CR1: variants seen among roughly 807,000 people sequenced by gnomAD.
CR1 encodes the protein complement receptor type 1.
A neutral mutation model predicts 187.3 loss-of-function variants in CR1; 116 were observed. That is an observed-to-expected ratio of 0.62 (90% confidence interval 0.53 to 0.72). CR1 has a LOEUF of 0.72. Ranked by LOEUF, CR1 falls within the 30% of genes least tolerant of loss-of-function variation. The pLI is 0.00. For missense variants in CR1, 1,731 were observed against 2,110.7 expected (o/e 0.82, Z 3.52); for synonymous variants, 576 against 747.1 (o/e 0.77, Z 3.73).
chr1:207,568,090 C>A, intron 25 of CR1, 48 bp downstream of exon 25: 1 of 1,610,616 alleles, frequency 6.2e-7, no homozygotes, highest in Non-Finnish European at 8.5e-7. Context: ...AATATCTAAC[C>A]CAGCCCCTCC....
intron 31 of CR1, among the ~76,000 whole-genome samples, 187 bp downstream of exon 31, chr1:207,580,800 G>A (rs148854033): frequency 1.4e-3 from 209 of 152,128 alleles, no homozygotes; most frequent in African/African-American, 4.4e-3. Context: ...AAGAGATAAA[G>A]AAAAAATGGC....
chr1:207,616,317 T>C (rs1662093982), intron 40 of CR1, among the ~76,000 whole-genome samples: 2 of 152,202 alleles, frequency 1.3e-5, no homozygotes, highest in South Asian at 4.1e-4. Flanking sequence ...AAACAATTAC[T>C]TTCCAAATTC....
chr1:207,502,113 A>G (rs1456704345), intron 1 of CR1, among the ~76,000 whole-genome samples: 1 of 152,186 alleles, frequency 6.6e-6, no homozygotes, highest in Non-Finnish European at 1.5e-5. Flanking sequence ...ATATGCATTG[A>G]GTTCTTATAA....
chr1:207,501,439 G>A (rs1659265693), intron 1 of CR1, among the ~76,000 whole-genome samples: 1 of 152,110 alleles, frequency 6.6e-6, no homozygotes, highest in South Asian at 2.1e-4. Flanking sequence ...TAAAATTATG[G>A]TAGGTCTTCA....
intron 1 of CR1, among the ~76,000 whole-genome samples, chr1:207,498,878 A>AAAAAAAAAAAG (rs1659174709): frequency 4.2e-5 from 1 of 23,958 alleles, no homozygotes; most frequent in Non-Finnish European, 8.0e-5. Flanking sequence ...ACTCCAAATC[A>AAAAAAAAAAAG]AAAAAAAAAA....
rs181547258 is a variant in CR1, at chr1:207,524,305, G to A, written c.886+296G>A. On this transcript the variant is annotated intron_variant, in intron 5 of 46. Coordinates refer to ENST00000367049, the MANE Select transcript of CR1 (RefSeq NM_000651.6). ...TACAAAATGAGTGATTCCTCTGGCC[G>A]GGCACTATAATACAGGCTACATGTG... Among the ~76,000 whole-genome samples the A allele has an allele frequency of 1.9e-3, 293 of 151,980 alleles. 10 individuals are homozygous for A. Among genetic ancestry groups the A allele is most frequent in the African/African-American group, 6.3e-3 (259 of 41,310 alleles).
intron 39 of CR1, 37 bp from the exon 40 acceptor site, chr1:207,614,367 T>C: frequency 1.3e-6 from 2 of 1,512,266 alleles, no homozygotes; most frequent in Non-Finnish European, 1.8e-6. Context: ...GAGATGGGAA[T>C]TGCTCACACA....
At chr1:207,609,132 T>C (rs987832007) in intron 36 of CR1, among the ~76,000 whole-genome samples, 158 bp from the exon 37 acceptor site, 31 of 152,292 alleles carry the variant, frequency 2.0e-4, no homozygotes, top group African/African-American at 7.2e-4. Flanking sequence ...TTCAACTAGG[T>C]AAAAATGTCT....
At chr1:207,616,496 G>T in intron 40 of CR1, 79 bp from the exon 41 acceptor site, 1 of 1,452,740 alleles carries the variant, frequency 6.9e-7, no homozygotes, top group Non-Finnish European at 9.4e-7. Context: ...CTTTTTAAGC[G>T]CACAGTCACA....
intron 4 of CR1, among the ~76,000 whole-genome samples, chr1:207,512,876 C>A (rs1450934498): frequency 2.6e-5 from 4 of 152,120 alleles, no homozygotes; most frequent in African/African-American, 4.8e-5. Context: ...ACTTCTGTAA[C>A]CTCTCTGTAT....
At position 207,582,003 on chromosome 1, in the gene CR1, C is replaced by A. The variant is rs201880876; in HGVS notation, c.5302C>A (p.His1768Asn). The change falls in exon 32 of 47, where the codon CAT (histidine) becomes AAT (asparagine). Residue 1768 changes from histidine to asparagine, a missense_variant and splice_region_variant. By Grantham distance (68) the His-to-Asn change is moderately conservative (BLOSUM62 1). Transcript: ENST00000367049. The stretch of plus-strand genomic sequence containing the variant: ...GAATAACAGTGTTCCTGTGTGTGAA[C>A]GTGAGTAGATGGAATACTTGTTCAG... ...LWNNSVPVCE[H>N]IFCPNPPAIL... 6.2e-7 allele frequency: 1 copy of A among 1,603,878 alleles called. No individual in the cohort carries two copies. The highest frequency in any genetic ancestry group is 8.5e-7 in the Non-Finnish European group (1 of 1,171,558).
Position 207,505,919 on chromosome 1 carries a change from C to G in CR1, c.137C>G (p.Pro46Arg). 1 of 1,613,788 alleles carries G rather than the reference C, an allele frequency of 6.2e-7. No homozygotes were observed. The highest frequency in any genetic ancestry group is 2.2e-5 in the East Asian group (1 of 44,882). Residue 46 changes from proline (P) to arginine (R), a missense_variant, in exon 2 of 47, where the codon CCA becomes CGA. Physicochemically the swap from Pro to Arg is moderately radical, Grantham distance 103. This residue lies in a region of CR1 where 237 missense variants were observed against 240.4 expected (regional missense o/e 0.99). Coordinates refer to ENST00000367049, the MANE Select transcript of CR1 (RefSeq NM_000651.6). ...TGATCTCCAGGTCAATGCAATGCCCCAGAATGGCTTCCATTTGCCAGGCCT... is the reference window on the plus strand; with the variant it reads ...TGATCTCCAGGTCAATGCAATGCCCGAGAATGGCTTCCATTTGCCAGGCCT... ...LPVAWGQCNA[P>R]EWLPFARPTN... is the part of the protein sequence containing the mutation.
intron 35 of CR1, among the ~76,000 whole-genome samples, chr1:207,590,319 G>T (rs1661234338): frequency 6.6e-6 from 1 of 152,186 alleles, no homozygotes; most frequent in African/African-American, 2.4e-5. Context: ...CATTCTTAAA[G>T]AAAAGAATTT....
intron 27 of CR1, among the ~76,000 whole-genome samples, chr1:207,574,366 A>C (rs183262855): frequency 6.6e-6 from 1 of 152,370 alleles, no homozygotes; most frequent in East Asian, 1.9e-4. Context: ...ACTAAATTGT[A>C]GAAGATAGCA....
intron 41 of CR1, among the ~76,000 whole-genome samples, chr1:207,617,593 A>ATGTGTGTG: frequency 2.4e-5 from 1 of 41,436 alleles, no homozygotes; most frequent in South Asian, 1.1e-3. Context: ...ATATATATAT[A>ATGTGTGTG]TATATATATA....
At chr1:207,510,368 G>C (rs186321681) in intron 3 of CR1, among the ~76,000 whole-genome samples, 3 of 152,226 alleles carry the variant, frequency 2.0e-5, no homozygotes, top group East Asian at 3.9e-4. Flanking sequence ...ATTTGTCACT[G>C]TTTTGTTGTT....
rs571686715 is a variant in CR1, at chr1:207,596,618, A to T, written c.5810+7844A>T. Among the ~76,000 whole-genome samples the T allele has an allele frequency of 4.3e-3, 642 of 150,812 alleles. 8 individuals carry two copies. Among genetic ancestry groups the T allele is most frequent in the African/African-American group, 0.013 (544 of 40,774 alleles). On this transcript the variant is annotated intron_variant, in intron 35 of 46. Coordinates refer to ENST00000367049, the MANE Select transcript of CR1 (RefSeq NM_000651.6). ...AACAAGAGCGAAACTCTGTCTCAAA[A>T]AATAATAATAATAATAATAACAATA...
chr1:207,605,255 G>C (rs1212556834), intron 35 of CR1, among the ~76,000 whole-genome samples: 1 of 109,190 alleles, frequency 9.2e-6, no homozygotes, highest in Non-Finnish European at 1.9e-5. Context: ...TCCAGACCCT[G>C]TCAAAAAAAA....
chr1:207,519,816 C>T (rs1410655725), intron 4 of CR1, among the ~76,000 whole-genome samples: 2 of 144,308 alleles, frequency 1.4e-5, no homozygotes, highest in Admixed American at 1.4e-4. Flanking sequence ...GGTACAGAAA[C>T]AGCCGATTGG....
Sources: allele counts gnomAD v4.1 joint callset (sites outside exome capture counted in the v4.1 genomes callset), GRCh38; gene constraint gnomAD v4.1.1; regional missense constraint gnomAD v4.1.1; transcripts MANE v1.5; gene names NCBI Gene and HGNC (gene_info 2026-07-23, HGNC 2026-07-21).